Variants in ARB2A observed in about 807,000 individuals in gnomAD.
ARB2A encodes cotranscriptional regulator ARB2A.
the ARB2A span, among the ~76,000 whole-genome samples, chr5:93,810,753 A>G: frequency 5.3e-5 from 8 of 152,020 alleles, no homozygotes; most frequent in African/African-American, 1.9e-4. Context: ...TGCCTAATCT[A>G]GTGCTCTTTT....
the ARB2A span, among the ~76,000 whole-genome samples, chr5:93,762,853 T>C: frequency 6.6e-6 from 1 of 152,214 alleles, no homozygotes; most frequent in Non-Finnish European, 1.5e-5. Flanking sequence ...AGCGGATCTC[T>C]TGGCAGAAAC....
chr5:93,895,480 T>C, the ARB2A span, among the ~76,000 whole-genome samples: 6 of 152,192 alleles, frequency 3.9e-5, no homozygotes, highest in Non-Finnish European at 8.8e-5. Flanking sequence ...TTAGATTTAT[T>C]GCCACAAGTA....
chr5:93,693,551 G>C, the ARB2A span, among the ~76,000 whole-genome samples: 2 of 136,568 alleles, frequency 1.5e-5, no homozygotes, highest in African/African-American at 5.8e-5. Context: ...CTGAAATTGA[G>C]GCAGTAATTA....
At chr5:93,974,474 A>G in the ARB2A span, among the ~76,000 whole-genome samples, 2 of 152,182 alleles carry the variant, frequency 1.3e-5, no homozygotes, top group African/African-American at 4.8e-5. Flanking sequence ...CTAAGAAAAG[A>G]CTTATATAGC....
chr5:94,018,320 A>G, the ARB2A span, among the ~76,000 whole-genome samples: 22 of 152,170 alleles, frequency 1.4e-4, no homozygotes, highest in African/African-American at 4.6e-4. Flanking sequence ...CTTGATATTT[A>G]TCAGAAAAGT....
At chr5:93,914,765 T>C in the ARB2A span, among the ~76,000 whole-genome samples, 1 of 151,922 alleles carries the variant, frequency 6.6e-6, no homozygotes, top group East Asian at 1.9e-4. Context: ...GAGCAGGTGG[T>C]ATTCTGAATA....
the ARB2A span, among the ~76,000 whole-genome samples, chr5:93,924,926 C>T: frequency 1.3e-5 from 2 of 152,090 alleles, no homozygotes; most frequent in Non-Finnish European, 2.9e-5. Flanking sequence ...TCTGTGCTCT[C>T]AAGGAGTATA....
chr5:94,105,997 G>C, the ARB2A span, among the ~76,000 whole-genome samples: 10 of 151,966 alleles, frequency 6.6e-5, no homozygotes, highest in African/African-American at 2.4e-4. Context: ...ATGGATTAAA[G>C]ACTTACATGT....
chr5:94,030,458 C>G, the ARB2A span, among the ~76,000 whole-genome samples: 1 of 152,238 alleles, frequency 6.6e-6, no homozygotes, highest in Non-Finnish European at 1.5e-5. Flanking sequence ...AGGCCTCTTT[C>G]TGATCCTTGG....
the ARB2A span, among the ~76,000 whole-genome samples, chr5:93,630,437 G>A: frequency 1.3e-5 from 2 of 152,282 alleles, no homozygotes; most frequent in Admixed American, 6.5e-5. Context: ...AGATTGTATT[G>A]AGACTGTAAA....
At chr5:94,062,964 C>G in the ARB2A span, among the ~76,000 whole-genome samples, 2 of 152,226 alleles carry the variant, frequency 1.3e-5, no homozygotes, top group Non-Finnish European at 2.9e-5. Flanking sequence ...AGGCTGCTGC[C>G]ACTGGGGCCA....
chr5:94,083,387 T>C, the ARB2A span, among the ~76,000 whole-genome samples: 3 of 152,182 alleles, frequency 2.0e-5, no homozygotes, highest in Non-Finnish European at 4.4e-5. Context: ...AGAATATCTA[T>C]AAATTCCACT....
At chr5:94,080,508 C>T in the ARB2A span, among the ~76,000 whole-genome samples, 1 of 152,094 alleles carries the variant, frequency 6.6e-6, no homozygotes, top group African/African-American at 2.4e-5. Flanking sequence ...GTGAACCATC[C>T]AGATGCCCCT....
chr5:93,766,500 C>T, the ARB2A span, among the ~76,000 whole-genome samples: 3 of 152,160 alleles, frequency 2.0e-5, no homozygotes, highest in Admixed American at 6.5e-5. Context: ...TACCATCTTA[C>T]ACCAGTTAGA....
chr5:94,102,835 C>T, the ARB2A span, among the ~76,000 whole-genome samples: 1 of 152,084 alleles, frequency 6.6e-6, no homozygotes, highest in Non-Finnish European at 1.5e-5. Context: ...AGAAACCCTA[C>T]AAGCCAGAAA....
chr5:94,101,333 T>C, the ARB2A span, among the ~76,000 whole-genome samples: 2 of 151,960 alleles, frequency 1.3e-5, no homozygotes, highest in Non-Finnish European at 2.9e-5. Flanking sequence ...GAGACCCTGA[T>C]ACATTGTCGG....
the ARB2A span, among the ~76,000 whole-genome samples, chr5:93,992,260 T>C: frequency 6.6e-6 from 1 of 151,972 alleles, no homozygotes; most frequent in African/African-American, 2.4e-5. Flanking sequence ...ATGACAAATA[T>C]TACAGTAAGT....
the ARB2A span, among the ~76,000 whole-genome samples, chr5:93,933,197 G>A: frequency 6.6e-6 from 1 of 152,176 alleles, no homozygotes; most frequent in African/African-American, 2.4e-5. Flanking sequence ...CTTTTAAACT[G>A]TTGGTGGAAA....
chr5:93,761,049 C>A, the ARB2A span, among the ~76,000 whole-genome samples: 1 of 152,058 alleles, frequency 6.6e-6, no homozygotes, highest in South Asian at 2.1e-4. Context: ...ACAAACAAAT[C>A]AGTAAGGAAA....
Sources: allele counts gnomAD v4.1 joint callset (sites outside exome capture counted in the v4.1 genomes callset), GRCh38; gene constraint gnomAD v4.1.1; transcripts MANE v1.5; gene names NCBI Gene and HGNC (gene_info 2026-07-23, HGNC 2026-07-21).